The following CPO variants were observed in gnomAD, a reference collection of about 807,000 sequenced individuals.
CPO encodes carboxypeptidase O.
Under a neutral mutation model 41.2 loss-of-function variants are expected in CPO, and 43 were observed. That is an observed-to-expected ratio of 1.04 (90% confidence interval 0.82 to 1.35). The LOEUF is 1.35. Ranked by LOEUF, CPO falls within the 40% of genes most tolerant of loss-of-function variation. The pLI is 0.00. For synonymous variants in CPO, 178 were observed against 162.7 expected (o/e 1.09, Z -0.72); for missense variants, 408 against 451.7 (o/e 0.90, Z 0.88).
chr2:206,968,463 T>C, intron 8 of CPO, 116 bp downstream of exon 8: 1 of 676,804 alleles, frequency 1.5e-6, no homozygotes, highest in South Asian at 1.7e-5. Context: ...CAACAGGGAG[T>C]TGTACAAATC....
chr2:206,944,812 T>C (rs1283613907), intron 1 of CPO, among the ~76,000 whole-genome samples: 7 of 152,064 alleles, frequency 4.6e-5, no homozygotes. Context: ...AGTAGCTTAA[T>C]GTGGTACATG....
At chr2:206,955,750 A>G (rs1012658278) in intron 3 of CPO, among the ~76,000 whole-genome samples, 186 bp downstream of exon 3, 2 of 152,188 alleles carry the variant, frequency 1.3e-5, no homozygotes, top group Admixed American at 6.5e-5. Flanking sequence ...TATCTGGGTG[A>G]AATCAAGTTC....
chr2:206,963,854 T>C (rs1197876762), intron 7 of CPO, among the ~76,000 whole-genome samples: 1 of 152,226 alleles, frequency 6.6e-6, no homozygotes, highest in Non-Finnish European at 1.5e-5. Flanking sequence ...TTGATTCATA[T>C]CCAAAATGTA....
At chr2:206,957,237 G>A (rs113896664) in intron 3 of CPO, among the ~76,000 whole-genome samples, 2 of 151,978 alleles carry the variant, frequency 1.3e-5, no homozygotes, top group Admixed American at 1.3e-4. Context: ...TTAGCTGGGC[G>A]TGGTGGCATG....
At chr2:206,965,328 G>A (rs1201108907) in intron 7 of CPO, among the ~76,000 whole-genome samples, 6 of 152,100 alleles carry the variant, frequency 3.9e-5, no homozygotes, top group South Asian at 2.1e-4. Context: ...GATAGAGTGC[G>A]CAAAGACACA....
chr2:206,961,049 C>T (rs747464160), intron 6 of CPO, 107 bp downstream of exon 6: 57 of 796,226 alleles, frequency 7.2e-5, no homozygotes, highest in Non-Finnish European at 1.1e-4. Flanking sequence ...TAATATGGTA[C>T]AGCTTTCTGG....
Position 206,955,582 on chromosome 2 carries a change from G to T in CPO, c.267+18G>T, listed in dbSNP as rs765437035. 1.6e-6 allele frequency: 2 copies of T among 1,236,694 alleles called. No homozygotes were observed. Among genetic ancestry groups the T allele is most frequent in the East Asian group, 2.3e-5 (1 of 43,112 alleles). 76.6% of individuals were successfully genotyped at this position (1,236,694 alleles called of 1,614,324 possible). A position where few individuals can be genotyped will look rare whatever the true frequency, so the allele number is the denominator to read the frequency against. Reference sequence around the variant, plus strand: ...ATCTGAAGGTGAGTGAGAAGGCTGAGAATTACCTTACCAGGAGAATTATCC... The same window carrying T: ...ATCTGAAGGTGAGTGAGAAGGCTGATAATTACCTTACCAGGAGAATTATCC... On this transcript the variant is annotated intron_variant, in intron 3 of 8. Transcript: ENST00000272852.
chr2:206,964,928 G>A (rs548759767), intron 7 of CPO, among the ~76,000 whole-genome samples: 91 of 152,262 alleles, frequency 6.0e-4, no homozygotes, highest in Admixed American at 2.5e-3. Flanking sequence ...GAAAACAGAT[G>A]CTCTGTGACC....
At chr2:206,949,744 G>GGTT (rs1693215469) in intron 2 of CPO, 31 bp downstream of exon 2, 1 of 1,425,622 alleles carries the variant, frequency 7.0e-7, no homozygotes, top group South Asian at 1.2e-5. Flanking sequence ...GGAGGTTGGT[G>GGTT]GTTGTCACAA....
chr2:206,939,680 T>C lies in CPO; in HGVS notation c.68+13T>C, dbSNP rs994488961. ...TGGGATATGATAGGTGAGTGTAAAG[T>C]GGGAAGAGGAACTGATTATTATAAT... On this transcript the variant is annotated intron_variant, in intron 1 of 8. Coordinates refer to ENST00000272852, the MANE Select transcript of CPO (RefSeq NM_173077.3). 5 of 1,604,318 alleles carry C rather than the reference T, an allele frequency of 3.1e-6. No homozygotes were observed. The highest frequency in any genetic ancestry group is 4.3e-6 in the Non-Finnish European group (5 of 1,172,076).
intron 2 of CPO, among the ~76,000 whole-genome samples, chr2:206,950,091 G>C (rs35051298): frequency 0.42 from 63,591 of 151,948 alleles, 13,675 homozygotes; most frequent in Non-Finnish European, 0.48. Context: ...CCTTCTGATT[G>C]AATCATATTT....
chr2:206,959,991 C>G (rs1693448596), intron 5 of CPO, among the ~76,000 whole-genome samples: 1 of 152,136 alleles, frequency 6.6e-6, no homozygotes, highest in Non-Finnish European at 1.5e-5. Flanking sequence ...TTTTACTCTC[C>G]TCTTCCATCT....
intron 1 of CPO, among the ~76,000 whole-genome samples, chr2:206,944,190 G>A (rs912682439): frequency 6.6e-6 from 1 of 151,976 alleles, no homozygotes; most frequent in African/African-American, 2.4e-5. Context: ...TGCCTAGCAT[G>A]TAGTGCTCAG....
chr2:206,952,120 CT>C (rs11456482), intron 2 of CPO, among the ~76,000 whole-genome samples: 35 of 149,218 alleles, frequency 2.3e-4, no homozygotes, highest in East Asian at 1.4e-3. Context: ...CCTCAATTAA[CT>C]TTTTTTTTTT....
intron 1 of CPO, among the ~76,000 whole-genome samples, chr2:206,941,952 C>G (rs1271354509): frequency 6.6e-6 from 1 of 151,986 alleles, no homozygotes; most frequent in Non-Finnish European, 1.5e-5. Flanking sequence ...CTTTGATCTA[C>G]TAATTCTTCT....
At chr2:206,947,845 T>C (rs940621267) in intron 1 of CPO, among the ~76,000 whole-genome samples, 2 of 152,124 alleles carry the variant, frequency 1.3e-5, no homozygotes. Flanking sequence ...TAAAATAAGA[T>C]GATAATACTT....
intron 1 of CPO, among the ~76,000 whole-genome samples, chr2:206,948,732 G>T (rs1559069774): frequency 6.6e-6 from 1 of 152,200 alleles, no homozygotes; most frequent in Non-Finnish European, 1.5e-5. Context: ...TTGCAGTCCA[G>T]TTTGGGTGAC....
chr2:206,945,820 C>T (rs1376540800), intron 1 of CPO, among the ~76,000 whole-genome samples: 1 of 151,980 alleles, frequency 6.6e-6, no homozygotes, highest in African/African-American at 2.4e-5. Flanking sequence ...CCTGTAATCC[C>T]AGCTACTCGG....
intron 7 of CPO, 75 bp downstream of exon 7, chr2:206,962,689 C>A: frequency 1.5e-6 from 2 of 1,303,350 alleles, no homozygotes; most frequent in Non-Finnish European, 2.2e-6. Flanking sequence ...TTTCCATTTC[C>A]AAGATTTTGG....
Sources: allele counts gnomAD v4.1 joint callset (sites outside exome capture counted in the v4.1 genomes callset), GRCh38; gene constraint gnomAD v4.1.1; transcripts MANE v1.5; gene names NCBI Gene and HGNC (gene_info 2026-07-23, HGNC 2026-07-21).